Variants in CMIP observed in about 807,000 individuals in gnomAD.
CMIP encodes c-Maf inducing protein.
Under a neutral mutation model 97.3 loss-of-function variants are expected in CMIP, and 13 were observed. That is an observed-to-expected ratio of 0.13 (90% CI 0.09 to 0.21). The LOEUF is 0.21. Ranked by LOEUF, CMIP falls within the 10% of genes least tolerant of loss-of-function variation. The pLI is 1.00. For missense variants in CMIP, 847 were observed against 1,024.9 expected, an observed-to-expected ratio of 0.83 and a Z score of 2.37; for synonymous variants, 538 against 436.3, an observed-to-expected ratio of 1.23 and a Z score of -2.91.
At chr16:81,584,324 C>T (rs949272628) in intron 1 of CMIP, among the ~76,000 whole-genome samples, 6 of 152,140 alleles carry the variant, frequency 3.9e-5, no homozygotes, top group African/African-American at 1.2e-4. Context: ...GGAAGTACTT[C>T]GATGTCCTCC....
intron 1 of CMIP, among the ~76,000 whole-genome samples, chr16:81,605,886 G>T (rs2091735895): frequency 6.6e-6 from 1 of 152,214 alleles, no homozygotes; most frequent in African/African-American, 2.4e-5. Context: ...TTCAGTAAAT[G>T]TCTGTCAGAT....
chr16:81,629,212 G>A (rs1046017466), intron 3 of CMIP, among the ~76,000 whole-genome samples: 1 of 138,110 alleles, frequency 7.2e-6, no homozygotes, highest in African/African-American at 2.7e-5. Context: ...TGTTTCTCAC[G>A]CAGAAGGGCT....
At chr16:81,682,140 G>T (rs183135680) in intron 10 of CMIP, among the ~76,000 whole-genome samples, 1 of 152,108 alleles carries the variant, frequency 6.6e-6, no homozygotes, top group Non-Finnish European at 1.5e-5. Context: ...GGGGGCGGAG[G>T]TTGCAGTGAT....
chr16:81,680,930 A>T (rs1327483116), intron 10 of CMIP, among the ~76,000 whole-genome samples: 1 of 152,194 alleles, frequency 6.6e-6, no homozygotes, highest in Non-Finnish European at 1.5e-5. Flanking sequence ...GAGTTTCAGC[A>T]CGCAGTTGAC....
chr16:81,696,578 A>G lies in CMIP; in HGVS notation c.1549A>G (p.Ser517Gly). 1 of 1,605,476 alleles carries G rather than the reference A, an allele frequency of 6.2e-7. No individual in the cohort carries two copies. Among genetic ancestry groups the G allele is most frequent in the Non-Finnish European group, 8.5e-7 (1 of 1,179,766 alleles). Residue 517 changes from serine to glycine, a missense_variant, in exon 14 of 21, where the codon AGC becomes GGC. Physicochemically the swap from Ser to Gly is moderately conservative, Grantham distance 56. Around this residue, in one of 4 missense-constraint regions of CMIP, gnomAD observed 266 missense variants for 384.2 expected, o/e 0.69. Coordinates refer to ENST00000537098, the MANE Select transcript of CMIP (RefSeq NM_198390.3). The part of the protein sequence containing the change: ...PRQEVHSCLL[S>G]VRAGKDGWFQ... The stretch of plus-strand genomic sequence containing the variant: ...CTGGCAGGTCCACTCATGCCTGCTG[A>G]GCGTGCGGGCCGGCAAAGATGGCTG...
At chr16:81,486,066 C>T (rs1415401228) in intron 1 of CMIP, among the ~76,000 whole-genome samples, 3 of 152,364 alleles carry the variant, frequency 2.0e-5, no homozygotes, top group Non-Finnish European at 4.4e-5. Context: ...GAGGGGCTCC[C>T]AAAGGCCACA....
At chr16:81,589,823 C>T (rs774300096) in intron 1 of CMIP, among the ~76,000 whole-genome samples, 1 of 152,252 alleles carries the variant, frequency 6.6e-6, no homozygotes, top group Non-Finnish European at 1.5e-5. Flanking sequence ...ATGGACATAG[C>T]GGGTAAACTT....
At chr16:81,602,824 C>G (rs897150272) in intron 1 of CMIP, among the ~76,000 whole-genome samples, 13 of 152,204 alleles carry the variant, frequency 8.5e-5, no homozygotes, top group African/African-American at 3.1e-4. Context: ...CCTCCTACCC[C>G]AGACAGGAAT....
chr16:81,498,386 C>T (rs144316919), intron 1 of CMIP, among the ~76,000 whole-genome samples: 17 of 152,336 alleles, frequency 1.1e-4, no homozygotes, highest in Non-Finnish European at 2.5e-4. Flanking sequence ...GAGTGAGATG[C>T]GGCCCTTGTC....
chr16:81,544,689 G>T (rs903739432), intron 1 of CMIP, among the ~76,000 whole-genome samples: 8 of 151,510 alleles, frequency 5.3e-5, no homozygotes, highest in African/African-American at 1.9e-4. Context: ...ATGGGTATTT[G>T]TATGTGTGTA....
chr16:81,555,758 A>C (rs2090750119), intron 1 of CMIP, among the ~76,000 whole-genome samples: 1 of 152,170 alleles, frequency 6.6e-6, no homozygotes, highest in Non-Finnish European at 1.5e-5. Context: ...GGAGATCTCC[A>C]GCATAGATGA....
chr16:81,512,895 C>T (rs1313668446), intron 1 of CMIP, among the ~76,000 whole-genome samples: 2 of 152,048 alleles, frequency 1.3e-5, no homozygotes, highest in Admixed American at 1.3e-4. Flanking sequence ...CACCACCACA[C>T]CCAGCTAATT....
intron 1 of CMIP, among the ~76,000 whole-genome samples, chr16:81,604,396 C>CAAAAA (rs886259734): frequency 1.4e-4 from 8 of 58,676 alleles, no homozygotes; most frequent in African/African-American, 4.7e-4. Context: ...AACTCTGTCT[C>CAAAAA]AAAAAAAAAA....
chr16:81,625,808 C>T (rs932325583), intron 3 of CMIP, among the ~76,000 whole-genome samples: 3 of 152,160 alleles, frequency 2.0e-5, no homozygotes, highest in Admixed American at 6.5e-5. Context: ...TCCACCTTCT[C>T]GCTTCCTGAG....
chr16:81,571,173 T>G (rs12931242), intron 1 of CMIP, among the ~76,000 whole-genome samples: 62,280 of 151,930 alleles, frequency 0.41, 14,757 homozygotes, highest in Non-Finnish European at 0.53. Context: ...ATAAAATCTG[T>G]TAAAGAAAAA....
chr16:81,543,618 G>A (rs947652284), intron 1 of CMIP, among the ~76,000 whole-genome samples: 3 of 152,200 alleles, frequency 2.0e-5, no homozygotes, highest in Non-Finnish European at 4.4e-5. Context: ...CCATGGGCTA[G>A]TCACTTCCCC....
rs900722135 is a variant in CMIP at position 81,682,809 on chromosome 16, A to G, written c.1388+4181A>G. On this transcript the variant is annotated intron_variant, in intron 10 of 20. Transcript: ENST00000537098. ...GGCCCCTGCATCATTAGAATTTGAC[A>G]CTTTTGAAAAGTAACCTAAGTTGCA... Among the ~76,000 whole-genome samples the G allele has an allele frequency of 2.0e-5, 3 of 152,152 alleles. No homozygotes were observed. In the East Asian group the frequency reaches 5.8e-4, roughly 29 times the overall value.
intron 1 of CMIP, among the ~76,000 whole-genome samples, chr16:81,478,956 C>T (rs572044287): frequency 3.3e-4 from 50 of 152,276 alleles, no homozygotes; most frequent in African/African-American, 7.7e-4. Flanking sequence ...CGTCCTCACC[C>T]GAAGCAGGGT....
intron 1 of CMIP, among the ~76,000 whole-genome samples, chr16:81,599,160 C>T (rs2091615907): frequency 6.6e-6 from 1 of 151,834 alleles, no homozygotes; most frequent in African/African-American, 2.4e-5. Flanking sequence ...CCCCTGTGCC[C>T]ACAACACCAA....
Sources: gnomAD v4.1 joint callset for allele counts (sites outside exome capture counted in the v4.1 genomes callset) on GRCh38, gnomAD v4.1.1 for gene constraint, gnomAD v4.1.1 regional missense constraint, MANE v1.5 for transcripts, NCBI Gene and HGNC (gene_info 2026-07-23, HGNC 2026-07-21) for gene names.